MAEA: variants seen among roughly 807,000 people sequenced by gnomAD.
MAEA encodes E3 ubiquitin-protein transferase MAEA.
MAEA carries 22 observed loss-of-function variants against 46.2 expected under a neutral mutation model. The ratio of observed to expected loss-of-function variants is 0.48; its 90% CI spans 0.34 to 0.68. The LOEUF (loss-of-function observed/expected upper bound fraction) is 0.68. Ranked by LOEUF, MAEA falls within the 30% of genes least tolerant of loss-of-function variation. MAEA has a pLI of 0.01. For synonymous variants in MAEA, 246 were observed against 222.6 expected (o/e 1.11, Z -0.94); for missense variants, 393 against 558.1 (o/e 0.70, Z 2.98).
At chr4:1,328,791 C>T in intron 5 of MAEA, 1 of 1,102,716 alleles carries the variant, frequency 9.1e-7, no homozygotes, top group South Asian at 2.0e-5. Flanking sequence ...GCTCCGGCTC[C>T]TGATGCTGAC....
At position 1,333,920 on chromosome 4, in the gene MAEA, C is replaced by T. The variant is rs542567322; in HGVS notation, c.765+1055C>T. Among the ~76,000 whole-genome samples the T allele has an allele frequency of 2.7e-3, 121 of 45,432 alleles. 6 individuals are homozygous for T. The highest frequency in any genetic ancestry group is 0.013 in the African/African-American group (84 of 6,702). The allele number at this position is 45,432 out of a possible 152,430, so 29.8% of individuals were successfully genotyped here. ...CACCCCCATGCCCACCTGTGCTCAC[C>T]CCCATGCCCACTCCCGTGCCCATGT... On this transcript the variant is annotated intron_variant, in intron 6 of 8. Coordinates refer to ENST00000303400, the MANE Select transcript of MAEA (RefSeq NM_001017405.3).
rs1713233767 is a variant in MAEA, at chr4:1,339,449, C to G, written c.*280C>G. The G allele has an allele frequency of 2.2e-6, 1 of 461,840 alleles. No homozygotes were observed. The highest frequency in any genetic ancestry group is 3.9e-6 in the Non-Finnish European group (1 of 257,994). The allele number at this position is 461,840 out of a possible 1,614,324, so 28.6% of individuals were successfully genotyped here. ...AGGAAACTCTTCTTTAAAGACTGACCTAAACACCGAGGGAAACTTAAGAAC... is the reference window on the plus strand; with the variant it reads ...AGGAAACTCTTCTTTAAAGACTGACGTAAACACCGAGGGAAACTTAAGAAC... On this transcript the variant is annotated 3_prime_UTR_variant, in exon 9 of 9. Transcript: ENST00000303400.
intron 1 of MAEA, among the ~76,000 whole-genome samples, chr4:1,305,666 T>C (rs1409685164): frequency 6.6e-6 from 1 of 152,172 alleles, no homozygotes; most frequent in Non-Finnish European, 1.5e-5. Context: ...TTGGAACTGT[T>C]CTTCTGGGTG....
At chr4:1,326,434 C>T (rs548360682) in intron 4 of MAEA, among the ~76,000 whole-genome samples, 3 of 152,208 alleles carry the variant, frequency 2.0e-5, no homozygotes, top group Admixed American at 6.5e-5. Context: ...ATGTCACTTC[C>T]GTAGAATCCG....
chr4:1,318,731 G>A (rs900869592), intron 3 of MAEA, among the ~76,000 whole-genome samples: 12 of 152,220 alleles, frequency 7.9e-5, no homozygotes, highest in Admixed American at 2.0e-4. Flanking sequence ...CCCCGGCTGC[G>A]CTGGTCAGAC....
chr4:1,336,840 C>A lies in MAEA; in HGVS notation c.766-21C>A, dbSNP rs764580095. On this transcript the variant is annotated intron_variant, in intron 6 of 8. Coordinates refer to ENST00000303400, the MANE Select transcript of MAEA (RefSeq NM_001017405.3). ...GCTTCCCTGGGAGCATCCCCAGGACCCTCTGCTCTCTGTCTTCCAGGACCT... is the reference window on the plus strand; with the variant it reads ...GCTTCCCTGGGAGCATCCCCAGGACACTCTGCTCTCTGTCTTCCAGGACCT... 6 of 1,610,644 alleles carry A rather than the reference C, an allele frequency of 3.7e-6. No individual in the cohort carries two copies. In the Admixed American group the frequency reaches 6.7e-5, roughly 18 times the overall value.
chr4:1,300,663 G>A (rs1016553194), intron 1 of MAEA, among the ~76,000 whole-genome samples: 3 of 152,236 alleles, frequency 2.0e-5, no homozygotes, highest in Non-Finnish European at 2.9e-5. Context: ...TTTCCAAGAC[G>A]GACCAGTGGC....
chr4:1,291,323 A>G (rs911778319), intron 1 of MAEA, among the ~76,000 whole-genome samples: 4 of 152,334 alleles, frequency 2.6e-5, no homozygotes, highest in South Asian at 2.1e-4. Flanking sequence ...GTGGGGTTTC[A>G]TGGTGCTTGT....
chr4:1,327,507 TGAGA>T (rs1217110559), intron 4 of MAEA, 116 bp from the exon 5 acceptor site: 3 of 762,256 alleles, frequency 3.9e-6, no homozygotes, highest in Non-Finnish European at 7.1e-6. Context: ...CCCGTGCCTG[TGAGA>T]GAGGGGTTCA....
intron 1 of MAEA, among the ~76,000 whole-genome samples, chr4:1,304,830 G>T (rs1017431450): frequency 6.6e-6 from 1 of 152,126 alleles, no homozygotes. Flanking sequence ...GTGTTTCTTT[G>T]TACTATGGCT....
At chr4:1,307,307 A>G (rs1246863344) in intron 1 of MAEA, among the ~76,000 whole-genome samples, 2 of 152,130 alleles carry the variant, frequency 1.3e-5, no homozygotes, top group African/African-American at 2.4e-5. Flanking sequence ...TAGCCATTGA[A>G]CAAAACTGCC....
rs375174677 is a variant in MAEA at position 1,322,307 on chromosome 4, G to A, written c.457-74G>A. On this transcript the variant is annotated intron_variant, in intron 3 of 8. Transcript: ENST00000303400. Reference sequence around the variant, plus strand: ...CCGGTGCTGGGCCTGCCTCATGGAGGCTGGGGTGTGGGAGGGTGGCATGGG... The same window carrying A: ...CCGGTGCTGGGCCTGCCTCATGGAGACTGGGGTGTGGGAGGGTGGCATGGG... 7.4e-4 allele frequency: 1,175 copies of A among 1,585,818 alleles called. 18 individuals carry two copies. The East Asian group carries it at 0.021, about 28-fold the overall frequency.
At chr4:1,335,361 CAAGT>C (rs1374946006) in intron 6 of MAEA, 4 of 985,376 alleles carry the variant, frequency 4.1e-6, no homozygotes, top group Non-Finnish European at 4.8e-6. Context: ...AGTTGATTCA[CAAGT>C]GAGTGTAGCA....
At chr4:1,318,301 G>A (rs1737570846) in intron 3 of MAEA, among the ~76,000 whole-genome samples, 2 of 152,236 alleles carry the variant, frequency 1.3e-5, no homozygotes, top group South Asian at 2.1e-4. Context: ...GGTGCCCCTG[G>A]CCCCAGGGAA....
In MAEA at chr4:1,340,132, T is replaced by G. The variant is rs1421786749; in HGVS notation, c.*963T>G. 6.5e-6 allele frequency: 1 copy of G among 152,700 alleles called. No homozygotes were observed. The highest frequency in any genetic ancestry group is 2.4e-5 in the African/African-American group (1 of 41,468). 9.5% of individuals were successfully genotyped at this position (152,700 alleles called of 1,614,324 possible). A position where few individuals can be genotyped will look rare whatever the true frequency, so the allele number is the denominator to read the frequency against. Reference sequence around the variant, plus strand: ...CCATGCGAATAAAATGGTTTTCTATTTCTCATTTCCGTGTGAGCCGAGGCT... The same window carrying G: ...CCATGCGAATAAAATGGTTTTCTATGTCTCATTTCCGTGTGAGCCGAGGCT... On this transcript the variant is annotated 3_prime_UTR_variant, in exon 9 of 9. Coordinates refer to ENST00000303400, the MANE Select transcript of MAEA (RefSeq NM_001017405.3).
At position 1,339,127 on chromosome 4, in the gene MAEA, A is replaced by G. The variant is rs1713199393; in HGVS notation, c.1149A>G (p.Glu383=). 1 of 1,613,860 alleles carries G rather than the reference A, an allele frequency of 6.2e-7. No individual in the cohort carries two copies. The highest frequency in any genetic ancestry group is 1.3e-5 in the African/African-American group (1 of 74,926). The part of the protein sequence containing the change: ...DDKVVCPRTK[E]VFHFSQAEKV... ...AAGTCGTGTGCCCGAGAACCAAAGA[A>G]GTCTTCCACTTCTCACAAGCCGAGA... Residue 383 remains glutamate, a synonymous_variant, in exon 9 of 9, where the codon GAA becomes GAG. Coordinates refer to ENST00000303400, the MANE Select transcript of MAEA (RefSeq NM_001017405.3).
intron 2 of MAEA, among the ~76,000 whole-genome samples, chr4:1,312,838 C>T (rs1736686923): frequency 6.6e-6 from 1 of 152,176 alleles, no homozygotes; most frequent in Non-Finnish European, 1.5e-5. Context: ...TGAAGACACC[C>T]AGAAAGTGGG....
chr4:1,316,006 A>G (rs1034251012), intron 3 of MAEA, among the ~76,000 whole-genome samples: 4 of 150,912 alleles, frequency 2.7e-5, no homozygotes, highest in Non-Finnish European at 2.9e-5. Flanking sequence ...TTCTGAAGGC[A>G]GGAAGTCAGT....
chr4:1,309,712 G>C (rs1316675706), intron 1 of MAEA: 12 of 1,525,476 alleles, frequency 7.9e-6, no homozygotes, highest in Non-Finnish European at 9.6e-6. Context: ...CCGTGGCCCC[G>C]GTGAGCCCCT....
Sources: allele counts gnomAD v4.1 joint callset (sites outside exome capture counted in the v4.1 genomes callset), GRCh38; gene constraint gnomAD v4.1.1; transcripts MANE v1.5; gene names NCBI Gene and HGNC (gene_info 2026-07-23, HGNC 2026-07-21).